SRPK2: variants seen among roughly 807,000 people sequenced by gnomAD.
SRPK2 encodes the protein SFRS protein kinase 2.
Under a neutral mutation model 90.8 loss-of-function variants are expected in SRPK2, and 21 were observed. That is an observed-to-expected ratio of 0.23 (90% CI 0.16 to 0.33). The LOEUF (loss-of-function observed/expected upper bound fraction) is 0.33, where lower values mean the gene tolerates loss of function less well. Among genes scored for constraint, SRPK2 ranks in the 10% least tolerant of loss-of-function variants. SRPK2 has a pLI of 1.00. For synonymous variants in SRPK2, 288 were observed against 311.1 expected, an observed-to-expected ratio of 0.93 and a Z score of 0.78; for missense variants, 620 against 869.0, an observed-to-expected ratio of 0.71 and a Z score of 3.60.
chr7:105,158,015 G>A (rs1806785731), intron 7 of SRPK2, among the ~76,000 whole-genome samples: 1 of 152,166 alleles, frequency 6.6e-6, no homozygotes, highest in Non-Finnish European at 1.5e-5. Flanking sequence ...GCAGTGAGCT[G>A]TGACTGACCA....
chr7:105,303,069 G>A (rs1189774333), intron 2 of SRPK2, among the ~76,000 whole-genome samples: 3 of 151,650 alleles, frequency 2.0e-5, no homozygotes, highest in Non-Finnish European at 4.4e-5. Flanking sequence ...ACAAGACTCC[G>A]TCTCAAAAAA....
At chr7:105,367,075 T>TTTTG (rs375728815) in intron 2 of SRPK2, among the ~76,000 whole-genome samples, 2 of 151,732 alleles carry the variant, frequency 1.3e-5, no homozygotes, top group South Asian at 2.1e-4. Flanking sequence ...TTGTTTTTTT[T>TTTTG]TTTGTTTGTT....
intron 2 of SRPK2, among the ~76,000 whole-genome samples, chr7:105,346,556 C>T (rs1816481691): frequency 1.3e-5 from 2 of 152,098 alleles, no homozygotes. Flanking sequence ...GAGTTCAAGA[C>T]CAGCCTGGCC....
At chr7:105,181,581 G>C (rs1025566961) in intron 3 of SRPK2, among the ~76,000 whole-genome samples, 1 of 152,094 alleles carries the variant, frequency 6.6e-6, no homozygotes, top group Non-Finnish European at 1.5e-5. Context: ...GGATGGAGCT[G>C]GAGGCCATTC....
At chr7:105,269,971 A>G (rs1280803663) in intron 2 of SRPK2, among the ~76,000 whole-genome samples, 1 of 152,252 alleles carries the variant, frequency 6.6e-6, no homozygotes, top group Non-Finnish European at 1.5e-5. Flanking sequence ...ATAGACCTCA[A>G]TAGTTTTTTA....
intron 2 of SRPK2, among the ~76,000 whole-genome samples, chr7:105,358,060 G>C (rs1327628064): frequency 6.6e-6 from 1 of 151,446 alleles, no homozygotes; most frequent in Non-Finnish European, 1.5e-5. Flanking sequence ...CCTGTCTCTA[G>C]TAAAAATACA....
chr7:105,353,986 T>G (rs887805921), intron 2 of SRPK2, among the ~76,000 whole-genome samples: 1 of 152,168 alleles, frequency 6.6e-6, no homozygotes, highest in Admixed American at 6.5e-5. Flanking sequence ...CCTGAGCAGT[T>G]GTGGCTGTCA....
chr7:105,149,467 T>G (rs1224268656), intron 7 of SRPK2, among the ~76,000 whole-genome samples: 1 of 151,624 alleles, frequency 6.6e-6, no homozygotes, highest in East Asian at 1.9e-4. Flanking sequence ...TTTGCTGAAA[T>G]AATGAAGATA....
chr7:105,260,740 G>T (rs1295532074), intron 2 of SRPK2, among the ~76,000 whole-genome samples: 1 of 152,080 alleles, frequency 6.6e-6, no homozygotes, highest in Non-Finnish European at 1.5e-5. Context: ...GCAGAGACAT[G>T]GATGAAACTG....
intron 2 of SRPK2, among the ~76,000 whole-genome samples, chr7:105,367,199 T>G (rs1458619269): frequency 6.6e-6 from 1 of 152,122 alleles, no homozygotes; most frequent in East Asian, 1.9e-4. Context: ...GATCACTTTT[T>G]ACCAAGATAC....
At chr7:105,276,600 A>C (rs539660490) in intron 2 of SRPK2, among the ~76,000 whole-genome samples, 3 of 151,940 alleles carry the variant, frequency 2.0e-5, no homozygotes, top group African/African-American at 7.2e-5. Flanking sequence ...TTAGGTAAGC[A>C]TGGTGACATG....
chr7:105,192,366 T>A (rs1179257044), intron 3 of SRPK2, among the ~76,000 whole-genome samples: 2 of 152,148 alleles, frequency 1.3e-5, no homozygotes, highest in East Asian at 3.8e-4. Flanking sequence ...TCCAATCCTA[T>A]CCAGGTTGCT....
intron 2 of SRPK2, chr7:105,301,847 C>A (rs1025937523): frequency 3.2e-6 from 5 of 1,562,014 alleles, no homozygotes; most frequent in Non-Finnish European, 4.4e-6. Flanking sequence ...ACAATAAGAG[C>A]AGTTCATGGA....
chr7:105,323,686 T>C (rs1285408091), intron 2 of SRPK2, among the ~76,000 whole-genome samples: 10 of 152,200 alleles, frequency 6.6e-5, no homozygotes, highest in Admixed American at 4.6e-4. Context: ...AGGAATAGTG[T>C]TTCTTGCCTT....
chr7:105,288,366 CG>C (rs1162455303), intron 2 of SRPK2, among the ~76,000 whole-genome samples: 9 of 151,940 alleles, frequency 5.9e-5, no homozygotes, highest in Admixed American at 2.0e-4. Context: ...GGAGGTAGGG[CG>C]GGTGGATCAC....
chr7:105,379,593 T>C (rs558936334), intron 2 of SRPK2, among the ~76,000 whole-genome samples: 21 of 152,310 alleles, frequency 1.4e-4, no homozygotes, highest in African/African-American at 4.1e-4. Context: ...AGAAAACTTA[T>C]GGAGCATTGA....
At chr7:105,351,578 G>C (rs796735342) in intron 2 of SRPK2, among the ~76,000 whole-genome samples, 1 of 151,900 alleles carries the variant, frequency 6.6e-6, no homozygotes. Flanking sequence ...CGAGGCAGGA[G>C]GATCACCTGA....
At chr7:105,178,791 AAAGT>A (rs1182471353) in intron 3 of SRPK2, among the ~76,000 whole-genome samples, 8 of 152,160 alleles carry the variant, frequency 5.3e-5, no homozygotes, top group African/African-American at 1.9e-4. Flanking sequence ...CCTGGGAGAC[AAAGT>A]AAGGCCCTCT....
chr7:105,148,316 C>T (rs1562987909), intron 7 of SRPK2, among the ~76,000 whole-genome samples: 1 of 152,156 alleles, frequency 6.6e-6, no homozygotes, highest in Non-Finnish European at 1.5e-5. Context: ...GCCTTGGTAT[C>T]TAGACAACCC....
Sources: allele counts gnomAD v4.1 joint callset (sites outside exome capture counted in the v4.1 genomes callset), GRCh38; gene constraint gnomAD v4.1.1; transcripts MANE v1.5; gene names NCBI Gene and HGNC (gene_info 2026-07-23, HGNC 2026-07-21).